The following SLC29A3 variants were observed in gnomAD, a reference collection of about 807,000 sequenced individuals.
SLC29A3 encodes the protein equilibrative nucleoside transporter 3.
In SLC29A3, 18 loss-of-function variants were observed where a neutral mutation model predicts 25.4. That is an observed-to-expected ratio of 0.71 (90% confidence interval 0.49 to 1.05). The LOEUF (loss-of-function observed/expected upper bound fraction) is 1.05. Ranked by LOEUF, SLC29A3 falls within the 50% of genes least tolerant of loss-of-function variation. SLC29A3 has a pLI of 0.00. For missense variants in SLC29A3, 586 were observed against 609.0 expected, an observed-to-expected ratio of 0.96 and a Z score of 0.40; for synonymous variants, 258 against 267.1, an observed-to-expected ratio of 0.97 and a Z score of 0.33.
intron 2 of SLC29A3, among the ~76,000 whole-genome samples, chr10:71,330,064 C>G (rs1388694539): frequency 6.6e-6 from 1 of 152,210 alleles, no homozygotes; most frequent in African/African-American, 2.4e-5. Context: ...CGGAAATGCT[C>G]TGGGCTTGAG....
rs77727024 is a variant in SLC29A3 at position 71,342,115 on chromosome 10, C to T, written c.301-2094C>T. Among the ~76,000 whole-genome samples, 469 of 152,308 alleles carry T rather than the reference C, an allele frequency of 3.1e-3. 17 individuals are homozygous for T. In the East Asian group the frequency reaches 0.061, roughly 20 times the overall value. On this transcript the variant is annotated intron_variant, in intron 2 of 5. Transcript: ENST00000373189. ...GGGGAGGGCATCGCACAGGTGTGAGCATCAGGAGGCACGGATCACGGGCCA... is the reference window on the plus strand; with the variant it reads ...GGGGAGGGCATCGCACAGGTGTGAGTATCAGGAGGCACGGATCACGGGCCA...
chr10:71,379,726 C>G (rs1439714770), intron 4 of SLC29A3: 1 of 152,220 alleles, frequency 6.6e-6, no homozygotes, highest in African/African-American at 2.4e-5. Context: ...CATTTGAGAT[C>G]TTTAAGCTAA....
At chr10:71,356,291 A>T in intron 5 of SLC29A3, 48 bp downstream of exon 5, 1 of 1,600,822 alleles carries the variant, frequency 6.2e-7, no homozygotes, top group Non-Finnish European at 8.5e-7. Flanking sequence ...GTATCCAGTT[A>T]TAGCCATGCT....
chr10:71,357,795 T>C (rs1182737663), intron 5 of SLC29A3, among the ~76,000 whole-genome samples: 1 of 152,230 alleles, frequency 6.6e-6, no homozygotes, highest in African/African-American at 2.4e-5. Context: ...TCTCGTGTTT[T>C]ATTCTTTTCA....
intron 5 of SLC29A3, among the ~76,000 whole-genome samples, chr10:71,361,168 G>T (rs1589243566): frequency 6.6e-6 from 1 of 152,096 alleles, no homozygotes; most frequent in Non-Finnish European, 1.5e-5. Context: ...TTGAGACAGG[G>T]TCTCGCTCTG....
intron 1 of SLC29A3, among the ~76,000 whole-genome samples, chr10:71,322,487 T>C (rs564187980): frequency 6.6e-6 from 1 of 152,342 alleles, no homozygotes; most frequent in South Asian, 2.1e-4. Context: ...GTTCCACAGT[T>C]ATGTGCTACT....
chr10:71,338,056 G>C (rs1425132642), intron 2 of SLC29A3, among the ~76,000 whole-genome samples: 1 of 152,242 alleles, frequency 6.6e-6, no homozygotes, highest in African/African-American at 2.4e-5. Flanking sequence ...CCACCATATG[G>C]GGGTACCCTG....
chr10:71,377,507 A>C (rs1847262172), intron 4 of SLC29A3, among the ~76,000 whole-genome samples: 1 of 152,212 alleles, frequency 6.6e-6, no homozygotes, highest in South Asian at 2.1e-4. Flanking sequence ...GCCGCGGGGC[A>C]GGCCGGGAGC....
intron 2 of SLC29A3, among the ~76,000 whole-genome samples, chr10:71,339,846 G>A (rs1359355532): frequency 6.6e-6 from 1 of 151,934 alleles, no homozygotes; most frequent in Non-Finnish European, 1.5e-5. Flanking sequence ...ACCCCCCAGA[G>A]CCCCTCCTTC....
At chr10:71,355,583 G>A (rs1223066480) in intron 4 of SLC29A3, among the ~76,000 whole-genome samples, 1 of 152,194 alleles carries the variant, frequency 6.6e-6, no homozygotes, top group Non-Finnish European at 1.5e-5. Flanking sequence ...CCCCCAGAAA[G>A]GGTGGCCTCT....
downstream of SLC29A3, among the ~76,000 whole-genome samples, chr10:71,366,914 C>A (rs1247711943): frequency 6.6e-6 from 1 of 152,184 alleles, no homozygotes; most frequent in Non-Finnish European, 1.5e-5. Flanking sequence ...TGCCAGTATG[C>A]CTCTGGGCCT....
chr10:71,359,550 T>A (rs557029621), intron 5 of SLC29A3, among the ~76,000 whole-genome samples: 1 of 152,328 alleles, frequency 6.6e-6, no homozygotes, highest in African/African-American at 2.4e-5. Context: ...GGCTTTTGGC[T>A]GAAGCACCCC....
Position 71,356,177 on chromosome 10 carries a change from C to G in SLC29A3, c.707C>G (p.Thr236Arg). 1 of 1,614,126 alleles carries G rather than the reference C, an allele frequency of 6.2e-7. No homozygotes were observed. The highest frequency in any genetic ancestry group is 8.5e-7 in the Non-Finnish European group (1 of 1,179,990). ...VRNSALAFFL[T>R]ATVFLVLCMG... ...AACAGCGCCCTGGCCTTCTTCCTGA[C>G]GGCCACTGTCTTCCTCGTGCTCTGC... is the stretch of plus-strand genomic sequence containing the variant. The change falls in exon 5 of 6, where the codon ACG becomes AGG. Residue 236 changes from threonine (T) to arginine (R), a missense_variant. Physicochemically the swap from Thr to Arg is moderately conservative, Grantham distance 71 (BLOSUM62 -1). Coordinates refer to ENST00000373189, the MANE Select transcript of SLC29A3 (RefSeq NM_018344.6).
chr10:71,353,840 G>A (rs1308568701), intron 4 of SLC29A3, among the ~76,000 whole-genome samples: 1 of 152,188 alleles, frequency 6.6e-6, no homozygotes, highest in Non-Finnish European at 1.5e-5. Context: ...CATAACTGAT[G>A]AGATAAAAGT....
intron 1 of SLC29A3, 104 bp downstream of exon 1, chr10:71,319,414 CAGGGG>C (rs1320938772): frequency 1.3e-5 from 7 of 530,370 alleles, no homozygotes; most frequent in African/African-American, 2.0e-5. Flanking sequence ...TGCGGGCTGC[CAGGGG>C]AGCCGCAGGA....
At chr10:71,333,978 CT>C (rs1416786019) in intron 2 of SLC29A3, among the ~76,000 whole-genome samples, 1 of 152,220 alleles carries the variant, frequency 6.6e-6, no homozygotes, top group Non-Finnish European at 1.5e-5. Flanking sequence ...GCTAGGGGAC[CT>C]TGCGAAGGCT....
At chr10:71,331,820 C>T (rs1846124252) in intron 2 of SLC29A3, among the ~76,000 whole-genome samples, 1 of 152,210 alleles carries the variant, frequency 6.6e-6, no homozygotes, top group Non-Finnish European at 1.5e-5. Flanking sequence ...GTTGGTGCCA[C>T]ATAGCTAATA....
At chr10:71,324,516 T>A (rs1845922368) in intron 2 of SLC29A3, among the ~76,000 whole-genome samples, 1 of 152,210 alleles carries the variant, frequency 6.6e-6, no homozygotes, top group South Asian at 2.1e-4. Context: ...ACAGAATTCT[T>A]GTTGAAAGCA....
intron 4 of SLC29A3, among the ~76,000 whole-genome samples, chr10:71,352,041 G>A (rs1026729076): frequency 1.3e-5 from 2 of 152,144 alleles, no homozygotes; most frequent in East Asian, 1.9e-4. Context: ...GACGGGGAGC[G>A]GAGGATCCAG....
Sources: allele counts gnomAD v4.1 joint callset (sites outside exome capture counted in the v4.1 genomes callset), GRCh38; gene constraint gnomAD v4.1.1; transcripts MANE v1.5; gene names NCBI Gene and HGNC (gene_info 2026-07-23, HGNC 2026-07-21).